ACAD11: variants seen among roughly 807,000 people sequenced by gnomAD.
The protein encoded by ACAD11 is acyl-Coenzyme A dehydrogenase family, member 11.
ACAD11 carries 83 observed loss-of-function variants against 102.2 expected under a neutral mutation model. The observed-to-expected ratio is 0.81, with a 90% confidence interval of 0.68 to 0.97. The LOEUF (loss-of-function observed/expected upper bound fraction) is 0.97. Among genes scored for constraint, ACAD11 ranks in the 50% least tolerant of loss-of-function variants. ACAD11 has a pLI of 0.00. For synonymous variants in ACAD11, 324 were observed against 319.8 expected, an observed-to-expected ratio of 1.01 and a Z score of -0.14; for missense variants, 901 against 951.7, an observed-to-expected ratio of 0.95 and a Z score of 0.70.
At chr3:132,605,591 T>G (rs1938805092) in intron 11 of ACAD11, among the ~76,000 whole-genome samples, 1 of 152,220 alleles carries the variant, frequency 6.6e-6, no homozygotes, top group Non-Finnish European at 1.5e-5. Flanking sequence ...ACATTGCATG[T>G]CCTACTGAGA....
intron 14 of ACAD11, 121 bp from the exon 15 acceptor site, chr3:132,579,002 G>T: frequency 6.5e-7 from 1 of 1,532,450 alleles, no homozygotes; most frequent in East Asian, 2.5e-5. Context: ...AGTGATGACT[G>T]GAATGGGAAC....
At chr3:132,590,928 C>A (rs560898317) in intron 13 of ACAD11, among the ~76,000 whole-genome samples, 1 of 152,118 alleles carries the variant, frequency 6.6e-6, no homozygotes, top group Non-Finnish European at 1.5e-5. Flanking sequence ...ACATAGTTTG[C>A]AAATATTTTC....
At chr3:132,592,958 T>A (rs1315105906) in intron 13 of ACAD11, among the ~76,000 whole-genome samples, 1 of 152,102 alleles carries the variant, frequency 6.6e-6, no homozygotes, top group Non-Finnish European at 1.5e-5. Context: ...GTAATAATGT[T>A]ACAAGCTGCT....
At chr3:132,610,139 G>A (rs1307472301) in intron 11 of ACAD11, among the ~76,000 whole-genome samples, 1 of 152,050 alleles carries the variant, frequency 6.6e-6, no homozygotes, top group Non-Finnish European at 1.5e-5. Context: ...AATAATAAGA[G>A]CTATTTATGA....
In ACAD11 at chr3:132,649,181, G is replaced by A. The variant is rs193210376; in HGVS notation, c.150-4285C>T. ...TCTGAAATATGGCCCCGTGAGATGGGAAAGACCTGACCGTCCCCCAGCCCG... is the reference window on the plus strand; with the variant it reads ...TCTGAAATATGGCCCCGTGAGATGGAAAAGACCTGACCGTCCCCCAGCCCG... On this transcript the variant is annotated intron_variant, in intron 1 of 19. Coordinates refer to ENST00000264990, the MANE Select transcript of ACAD11 (RefSeq NM_032169.5). 7.9e-5 allele frequency among the ~76,000 whole-genome samples: 12 copies of A among 152,346 alleles called. No homozygotes were observed. In the East Asian group the frequency reaches 2.1e-3, roughly 27 times the overall value.
chr3:132,638,925 T>C (rs1428692402), intron 5 of ACAD11, among the ~76,000 whole-genome samples: 1 of 152,200 alleles, frequency 6.6e-6, no homozygotes, highest in African/African-American at 2.4e-5. Context: ...ACTGTAATCC[T>C]AGGCCTCATT....
At chr3:132,588,736 A>C (rs1336530118) in intron 13 of ACAD11, among the ~76,000 whole-genome samples, 1 of 152,232 alleles carries the variant, frequency 6.6e-6, no homozygotes, top group Non-Finnish European at 1.5e-5. Flanking sequence ...TCCCCCATTC[A>C]CATATTTCAA....
chr3:132,632,287 A>G (rs1940079252), intron 5 of ACAD11, among the ~76,000 whole-genome samples: 1 of 152,106 alleles, frequency 6.6e-6, no homozygotes, highest in Admixed American at 6.5e-5. Context: ...GGGTTTCACC[A>G]TGTTCGCCAG....
In ACAD11 at chr3:132,624,591, C is replaced by CA. The variant is rs565039032; in HGVS notation, c.1197+2099dup. ...CTGCACTCCAGCCTGGGCAACAGAG[C>CA]AAGACTCCATTAAAAAAAAAAAGCC... is the stretch of plus-strand genomic sequence containing the variant. On this transcript the variant is annotated intron_variant, in intron 9 of 19. Transcript: ENST00000264990. 2.4e-3 allele frequency among the ~76,000 whole-genome samples: 145 copies of CA among 60,044 alleles called. 1 individual carries two copies. The highest frequency in any genetic ancestry group is 9.6e-3 in the African/African-American group (138 of 14,406). The allele number at this position is 60,044 out of a possible 152,430, so 39.4% of individuals were successfully genotyped here. A position where few individuals can be genotyped will look rare whatever the true frequency, so the allele number is the denominator to read the frequency against.
At chr3:132,655,889 C>A (rs894205828) in intron 1 of ACAD11, among the ~76,000 whole-genome samples, 1 of 152,070 alleles carries the variant, frequency 6.6e-6, no homozygotes, top group Admixed American at 6.5e-5. Context: ...TTTATCTTTC[C>A]AATAAGATTT....
chr3:132,638,979 C>T (rs528779472), intron 5 of ACAD11, among the ~76,000 whole-genome samples: 34 of 152,236 alleles, frequency 2.2e-4, no homozygotes, highest in African/African-American at 7.9e-4. Context: ...TGTTTATACT[C>T]TTTATAAAGA....
Position 132,617,101 on chromosome 3 carries a change from T to C in ACAD11, c.1414+1533A>G, listed in dbSNP as rs190834600. Among the ~76,000 whole-genome samples the C allele has an allele frequency of 5.6e-4, 86 of 152,344 alleles. 1 individual carries two copies. Among genetic ancestry groups the C allele is most frequent in the Non-Finnish European group, 1.8e-4 (12 of 68,032 alleles). The stretch of plus-strand genomic sequence containing the variant: ...CATGCATAAACACAAAAGGCAATAC[T>C]GAGGCCTATCTTGTGCAGGGATGGG... On this transcript the variant is annotated intron_variant, in intron 11 of 19. Coordinates refer to ENST00000264990, the MANE Select transcript of ACAD11 (RefSeq NM_032169.5).
chr3:132,640,148 C>A (rs959718226), intron 4 of ACAD11, among the ~76,000 whole-genome samples: 54 of 151,520 alleles, frequency 3.6e-4, no homozygotes, highest in African/African-American at 1.3e-3. Context: ...GAGTCTCGCT[C>A]TGTTGCCCAG....
At position 132,659,615 on chromosome 3, in the gene ACAD11, A is replaced by G. The variant is rs113591096; in HGVS notation, c.137T>C (p.Ile46Thr). 307 of 1,610,830 alleles carry G rather than the reference A, an allele frequency of 1.9e-4. 2 individuals carry two copies. The African/African-American group carries it at 2.7e-3, about 14-fold the overall frequency. The change falls in exon 1 of 20, where the codon ATT (isoleucine) becomes ACT (threonine). Residue 46 changes from isoleucine to threonine, a missense_variant. Physicochemically the swap from Ile to Thr is moderately conservative, Grantham distance 89. Transcript: ENST00000264990. ...FGAEREATLT[I>T]AQYRAGKSNP... ...CTGACATCCATACCTGTACTGGGCA[A>G]TGGTCAGCGTAGCCTCACGTTCGGC...
At chr3:132,624,731 G>C (rs1377453582) in intron 9 of ACAD11, among the ~76,000 whole-genome samples, 1 of 151,752 alleles carries the variant, frequency 6.6e-6, no homozygotes, top group African/African-American at 2.4e-5. Context: ...CTGTTGCCCA[G>C]GCTGGAGTGC....
At position 132,630,572 on chromosome 3, in the gene ACAD11, A is replaced by T. The variant is rs778931963; in HGVS notation, c.842-14T>A. 1.3e-6 allele frequency: 2 copies of T among 1,593,438 alleles called. No individual in the cohort carries two copies. The highest frequency in any genetic ancestry group is 2.7e-5 in the African/African-American group (2 of 73,766). On this transcript the variant is annotated splice_polypyrimidine_tract_variant and intron_variant, in intron 6 of 19. Coordinates refer to ENST00000264990, the MANE Select transcript of ACAD11 (RefSeq NM_032169.5). ...TTGATGGTATCCCTATAAAAACAGCATGTAATATAAACTTTAATTAAAATG... is the reference window on the plus strand; with the variant it reads ...TTGATGGTATCCCTATAAAAACAGCTTGTAATATAAACTTTAATTAAAATG...
Position 132,639,632 on chromosome 3 carries a change from G to A in ACAD11, c.562C>T (p.Gln188Ter). 1 of 1,613,388 alleles carries A rather than the reference G, an allele frequency of 6.2e-7. No individual in the cohort carries two copies. Among genetic ancestry groups the A allele is most frequent in the Non-Finnish European group, 8.5e-7 (1 of 1,179,712 alleles). ...GGGATGTCCTGATGAGCTGCAGCTT[G>A]ATATTGCTTTGTCCAGGTTGATACC... ...RQVSTWTKQY[Q>*]AAAHQDIPAM... The change falls in exon 5 of 20, where the codon CAA becomes TAA. Residue 188 changes from glutamine to a stop codon, truncating the protein, a stop_gained. Transcript: ENST00000264990. LOFTEE classifies it high-confidence loss of function.
intron 1 of ACAD11, among the ~76,000 whole-genome samples, chr3:132,652,373 T>C (rs1338965016): frequency 6.6e-6 from 1 of 152,226 alleles, no homozygotes; most frequent in African/African-American, 2.4e-5. Flanking sequence ...CTTTCCTTTA[T>C]AAATTACCCA....
intron 13 of ACAD11, among the ~76,000 whole-genome samples, chr3:132,592,153 T>C (rs1418294044): frequency 6.6e-6 from 1 of 152,148 alleles, no homozygotes. Context: ...TTAACAATGA[T>C]GTTTCAGAAA....
Sources: gnomAD v4.1 joint callset for allele counts (sites outside exome capture counted in the v4.1 genomes callset) on GRCh38, gnomAD v4.1.1 for gene constraint, MANE v1.5 for transcripts, NCBI Gene and HGNC (gene_info 2026-07-23, HGNC 2026-07-21) for gene names.